Variants in RALGPS1 observed in about 807,000 individuals in gnomAD.
RALGPS1 encodes the protein Ral GEF with PH domain and SH3 binding motif 1.
A neutral mutation model predicts 78.8 loss-of-function variants in RALGPS1; 19 were observed. The observed-to-expected ratio is 0.24, with a 90% CI of 0.17 to 0.35. RALGPS1 has a LOEUF of 0.35. Ranked by LOEUF, RALGPS1 falls within the 10% of genes least tolerant of loss-of-function variation. The pLI is 1.00. For missense variants in RALGPS1, 454 were observed against 688.3 expected (o/e 0.66, Z 3.81); for synonymous variants, 228 against 256.3 (o/e 0.89, Z 1.06).
At chr9:127,177,481 G>C (rs1051009149) in intron 11 of RALGPS1, among the ~76,000 whole-genome samples, 1 of 152,174 alleles carries the variant, frequency 6.6e-6, no homozygotes, top group African/African-American at 2.4e-5. Flanking sequence ...ATGTGACCCA[G>C]CTGGTCCCTG....
At chr9:127,179,330 G>A (rs1349413512) in intron 11 of RALGPS1, among the ~76,000 whole-genome samples, 1 of 152,198 alleles carries the variant, frequency 6.6e-6, no homozygotes, top group East Asian at 1.9e-4. Flanking sequence ...CTGCAGCTGT[G>A]GGGTGGCCTG....
chr9:126,961,485 C>T (rs74610686), intron 1 of RALGPS1, among the ~76,000 whole-genome samples: 1,885 of 152,262 alleles, frequency 0.012, 43 homozygotes, highest in African/African-American at 0.044. Context: ...ATTTGCTTGT[C>T]TTCTTCACCC....
chr9:127,203,228 C>T (rs759010570), intron 14 of RALGPS1, among the ~76,000 whole-genome samples: 5 of 152,170 alleles, frequency 3.3e-5, no homozygotes, highest in Non-Finnish European at 7.3e-5. Context: ...TATTTCTGGT[C>T]TCCAGGTTTA....
At chr9:127,182,368 TCCTCCCTCCCTC>T (rs1187350551) in intron 11 of RALGPS1, among the ~76,000 whole-genome samples, 17 of 66,856 alleles carry the variant, frequency 2.5e-4, no homozygotes, top group African/African-American at 5.6e-4. Context: ...CTTCCTTCCT[TCCTCCCTCCCTC>T]CCTCCCTCCC....
At chr9:127,041,700 A>C (rs1248964711) in intron 5 of RALGPS1, among the ~76,000 whole-genome samples, 1 of 152,148 alleles carries the variant, frequency 6.6e-6, no homozygotes, top group African/African-American at 2.4e-5. Context: ...GAAGGAAAAC[A>C]TGTTATACAG....
intron 8 of RALGPS1, among the ~76,000 whole-genome samples, chr9:127,099,316 A>T (rs11793399): frequency 0.37 from 56,975 of 152,118 alleles, 12,507 homozygotes; most frequent in Non-Finnish European, 0.48. Context: ...TATCACTAAG[A>T]TGCAGTCTGC....
At chr9:127,001,370 A>G (rs1157105659) in intron 4 of RALGPS1, among the ~76,000 whole-genome samples, 1 of 151,620 alleles carries the variant, frequency 6.6e-6, no homozygotes. Context: ...AATTGAGCAC[A>G]CTTCATGATT....
At chr9:126,939,265 G>C (rs537985824) in intron 1 of RALGPS1, among the ~76,000 whole-genome samples, 8 of 152,200 alleles carry the variant, frequency 5.3e-5, no homozygotes, top group Non-Finnish European at 1.2e-4. Context: ...GGGTGCTCAT[G>C]GGGTGGCTTG....
At chr9:127,001,371 C>T (rs2043294825) in intron 4 of RALGPS1, among the ~76,000 whole-genome samples, 1 of 151,750 alleles carries the variant, frequency 6.6e-6, no homozygotes, top group South Asian at 2.1e-4. Flanking sequence ...ATTGAGCACA[C>T]TTCATGATTC....
intron 4 of RALGPS1, among the ~76,000 whole-genome samples, chr9:126,992,875 T>G (rs535977029): frequency 1.3e-5 from 2 of 152,364 alleles, no homozygotes; most frequent in South Asian, 4.1e-4. Context: ...TTTCTTGCCT[T>G]GTTGCATGGG....
At chr9:126,915,053 G>T (rs1469094961) in intron 1 of RALGPS1, 78 bp downstream of exon 1, 1 of 146,374 alleles carries the variant, frequency 6.8e-6, no homozygotes, top group East Asian at 2.0e-4. Flanking sequence ...GGCGGGGCGG[G>T]CCCTGAGGCC....
At chr9:126,995,160 GATCA>G (rs1313037097) in intron 4 of RALGPS1, among the ~76,000 whole-genome samples, 1 of 152,170 alleles carries the variant, frequency 6.6e-6, no homozygotes, top group Non-Finnish European at 1.5e-5. Flanking sequence ...ATAATGACAG[GATCA>G]AATTCACACA....
chr9:126,979,308 CAG>C (rs2041005125), intron 4 of RALGPS1, among the ~76,000 whole-genome samples: 2 of 151,296 alleles, frequency 1.3e-5, no homozygotes, highest in Admixed American at 6.6e-5. Flanking sequence ...GGTTGGGGAA[CAG>C]AGCTTTGTTT....
Position 127,219,030 on chromosome 9 carries a change from TG to T in RALGPS1, c.*264del. On this transcript the variant is annotated 3_prime_UTR_variant, in exon 19 of 19. Coordinates refer to ENST00000259351, the MANE Select transcript of RALGPS1 (RefSeq NM_014636.3). This position sits in a 1 kb window ranked among gnomAD's most constrained non-coding sequence, Gnocchi z 5.0. Reference sequence around the variant, plus strand: ...GTGGTCAGACCCCACACGCCCTCTCTGGGCCCACCACCTGCATCTGCGACTA... The same window carrying T: ...GTGGTCAGACCCCACACGCCCTCTCTGGCCCACCACCTGCATCTGCGACTA... 1 of 541,058 alleles carries T rather than the reference TG, an allele frequency of 1.8e-6. No homozygotes were observed. The highest frequency in any genetic ancestry group is 3.3e-6 in the Non-Finnish European group (1 of 299,100). 33.5% of individuals were successfully genotyped at this position (541,058 alleles called of 1,614,324 possible).
chr9:126,996,128 A>G (rs1303594020), intron 4 of RALGPS1, among the ~76,000 whole-genome samples: 1 of 152,158 alleles, frequency 6.6e-6, no homozygotes, highest in African/African-American at 2.4e-5. Flanking sequence ...AGAACTAGAA[A>G]AGCAAGAGCA....
At position 127,121,924 on chromosome 9, in the gene RALGPS1, A is replaced by C. The variant is rs1379109245; in HGVS notation, c.611-44145A>C. ...TCCAAAGCTTCAAAGTGACTACCCA[A>C]GTCCTTGGGCCACCCCTGCCTTCTG... On this transcript the variant is annotated intron_variant, in intron 8 of 18. Coordinates refer to ENST00000259351, the MANE Select transcript of RALGPS1 (RefSeq NM_014636.3). Among the ~76,000 whole-genome samples, 3 of 152,172 alleles carry C rather than the reference A, an allele frequency of 2.0e-5. No individual in the cohort carries two copies. In the East Asian group the frequency reaches 5.8e-4, roughly 29 times the overall value.
chr9:126,915,178 G>T (rs144383682), intron 1 of RALGPS1, among the ~76,000 whole-genome samples: 26,931 of 143,046 alleles, frequency 0.19, 2,957 homozygotes, highest in East Asian at 0.44. Context: ...CCCGGCGCCG[G>T]GGCCTGGCCG....
chr9:127,032,489 T>C (rs2046514997), intron 4 of RALGPS1, among the ~76,000 whole-genome samples: 1 of 152,180 alleles, frequency 6.6e-6, no homozygotes, highest in South Asian at 2.1e-4. Context: ...TCCTGAAACA[T>C]CAGTTTTATG....
At chr9:126,963,847 C>T (rs956307799) in intron 2 of RALGPS1, among the ~76,000 whole-genome samples, 1 of 152,186 alleles carries the variant, frequency 6.6e-6, no homozygotes, top group Non-Finnish European at 1.5e-5. Context: ...AAAATCCACC[C>T]TGTCACCCTG....
Sources: gnomAD v4.1 joint callset for allele counts (sites outside exome capture counted in the v4.1 genomes callset) on GRCh38, gnomAD v4.1.1 for gene constraint, Gnocchi (gnomAD v3.1) non-coding constraint, MANE v1.5 for transcripts, NCBI Gene and HGNC (gene_info 2026-07-23, HGNC 2026-07-21) for gene names.